Variants in ACACA observed in about 807,000 individuals in gnomAD.
ACACA encodes the protein acetyl-CoA carboxylase alpha, also known as acetyl-CoA carboxylase 1.
A neutral mutation model predicts 296.1 loss-of-function variants in ACACA; 103 were observed. The ratio of observed to expected loss-of-function variants is 0.35; its 90% CI spans 0.30 to 0.41. The LOEUF is 0.41. Ranked by LOEUF, ACACA falls within the 10% of genes least tolerant of loss-of-function variation. The pLI is 1.00. For missense variants in ACACA, 1,554 were observed against 2,989.7 expected, an observed-to-expected ratio of 0.52 and a Z score of 11.20; for synonymous variants, 953 against 1,038.6, an observed-to-expected ratio of 0.92 and a Z score of 1.58.
rs574442648 is a variant in ACACA, at chr17:37,264,016, A to C, written c.1120-122T>G. The C allele has an allele frequency of 2.1e-5, 16 of 762,124 alleles. 1 individual carries two copies. In the South Asian group the frequency reaches 2.5e-4, roughly 12 times the overall value. The allele number at this position is 762,124 out of a possible 1,614,324, so 47.2% of individuals were successfully genotyped here. On this transcript the variant is annotated intron_variant, in intron 10 of 55. Transcript: ENST00000616317. ...AGAAGTGTCAGGAACCATGTTAATC[A>C]GCAGAAATACAAAACTGAATAAAAT...
chr17:37,335,718 G>A lies in ACACA; in HGVS notation c.85+4086C>T, dbSNP rs890528984. Among the ~76,000 whole-genome samples, 3 of 152,160 alleles carry A rather than the reference G, an allele frequency of 2.0e-5. No individual in the cohort carries two copies. The South Asian group carries it at 6.2e-4, about 32-fold the overall frequency. ...CCTCTACTCAGTTCTACTACAAACT[G>A]TCTCAAGAACTAAATGGTGACATGG... On this transcript the variant is annotated intron_variant, in intron 2 of 55. Coordinates refer to ENST00000616317, the MANE Select transcript of ACACA (RefSeq NM_198834.3).
chr17:37,388,926 C>A, intron 1 of ACACA: 1 of 1,200,960 alleles, frequency 8.3e-7, no homozygotes, highest in Non-Finnish European at 1.2e-6. Flanking sequence ...CACTCACTAG[C>A]TGAGTGGTGT....
chr17:37,317,042 C>T (rs2047126242), intron 3 of ACACA, among the ~76,000 whole-genome samples: 1 of 150,130 alleles, frequency 6.7e-6, no homozygotes, highest in Admixed American at 6.7e-5. Context: ...CCACTGTACT[C>T]CAGCCTGGGT....
intron 2 of ACACA, among the ~76,000 whole-genome samples, chr17:37,335,375 C>T (rs2147271109): frequency 6.6e-6 from 1 of 152,290 alleles, no homozygotes; most frequent in Middle Eastern, 3.4e-3. Context: ...TCAAACCTCA[C>T]CTGTGTAAAA....
chr17:37,307,562 T>G (rs1470996733), intron 3 of ACACA, among the ~76,000 whole-genome samples: 1 of 152,056 alleles, frequency 6.6e-6, no homozygotes, highest in Non-Finnish European at 1.5e-5. Context: ...ATATTTCTAT[T>G]GTGTTGAATG....
intron 1 of ACACA, chr17:37,345,470 C>T (rs542514781): frequency 2.6e-5 from 4 of 152,286 alleles, no homozygotes; most frequent in East Asian, 1.9e-4. Flanking sequence ...AAGCTAACCA[C>T]CTCTAATCAG....
At chr17:37,213,143 A>C (rs2078827711) in intron 29 of ACACA, among the ~76,000 whole-genome samples, 1 of 151,522 alleles carries the variant, frequency 6.6e-6, no homozygotes, top group Admixed American at 6.6e-5. Context: ...CATCTCCAAA[A>C]TCCATCTTTA....
At chr17:37,158,190 A>G (rs1360514169) in intron 42 of ACACA, among the ~76,000 whole-genome samples, 1 of 152,202 alleles carries the variant, frequency 6.6e-6, no homozygotes, top group Non-Finnish European at 1.5e-5. Flanking sequence ...AGAACACATT[A>G]AAGGAAGATT....
chr17:37,155,550 T>G, intron 43 of ACACA, 133 bp downstream of exon 43: 1 of 710,608 alleles, frequency 1.4e-6, no homozygotes, highest in Non-Finnish European at 2.5e-6. Context: ...GAGCTGGATG[T>G]AAACCTAAAA....
chr17:37,190,712 C>T (rs1490019705), intron 38 of ACACA, among the ~76,000 whole-genome samples: 1 of 152,112 alleles, frequency 6.6e-6, no homozygotes, highest in Non-Finnish European at 1.5e-5. Context: ...AGGTGATTAA[C>T]ATTTAGTGCA....
chr17:37,111,557 A>G lies in ACACA; in HGVS notation c.6539T>C (p.Val2180Ala). The change falls in exon 52 of 56, where the codon GTC becomes GCC. Residue 2180 changes from valine (V) to alanine (A), a missense_variant. Val to Ala is a moderately conservative substitution (Grantham distance 64). Coordinates refer to ENST00000616317, the MANE Select transcript of ACACA (RefSeq NM_198834.3). ...LVKTMRRVDP[V>A]YIHLAERLGT... is the part of the protein sequence containing the mutation. The stretch of plus-strand genomic sequence containing the variant: ...CAATCGCTCAGCCAAGTGGATGTAG[A>G]CTGGGTCCACCCGACGCATGGTTTT... 6.2e-7 allele frequency: 1 copy of G among 1,614,130 alleles called. No individual in the cohort carries two copies. Among genetic ancestry groups the G allele is most frequent in the Non-Finnish European group, 8.5e-7 (1 of 1,179,972 alleles).
intron 45 of ACACA, chr17:37,141,452 G>T (rs2075575493): frequency 7.0e-6 from 2 of 287,284 alleles, no homozygotes; most frequent in Non-Finnish European, 6.8e-6. Context: ...TTGTAGAGGG[G>T]GTCTTGCTTC....
At chr17:37,296,301 CTTTTTTTTTTT>C (rs369893845) in intron 3 of ACACA, among the ~76,000 whole-genome samples, 2 of 100,364 alleles carry the variant, frequency 2.0e-5, no homozygotes, top group South Asian at 3.3e-4. Context: ...TCTTTGGAGC[CTTTTTTTTTTT>C]TTTTTTTTTT....
chr17:37,396,420 T>A (rs1030875328), intron 1 of ACACA, among the ~76,000 whole-genome samples: 1 of 152,094 alleles, frequency 6.6e-6, no homozygotes, highest in African/African-American at 2.4e-5. Context: ...ATTTTTTAGA[T>A]AAACCCATAA....
At chr17:37,285,005 A>G in intron 3 of ACACA, 35 bp from the exon 4 acceptor site, 5 of 1,613,840 alleles carry the variant, frequency 3.1e-6, no homozygotes, top group East Asian at 2.2e-5. Flanking sequence ...AACACCACCT[A>G]TATTTTCTGG....
Position 37,259,462 on chromosome 17 carries a change from C to G in ACACA, c.1398G>C (p.Gln466His). Reference protein sequence around the residue: ...SAGTVEYLYSQDGSFYFLELN... With the variant: ...SAGTVEYLYSHDGSFYFLELN... ...ATTCCAGAAAGTAGAAGCTGCCATCCTGGCTGTACAGGTATTCCACAGTCC... is the reference window on the plus strand; with the variant it reads ...ATTCCAGAAAGTAGAAGCTGCCATCGTGGCTGTACAGGTATTCCACAGTCC... The change falls in exon 12 of 56, where the codon CAG becomes CAC. Residue 466 changes from glutamine (Q) to histidine (H), a missense_variant. By Grantham distance (24) the Gln-to-His change is conservative (BLOSUM62 0). This residue lies in a region of ACACA where 82 missense variants were observed against 185.2 expected (regional missense o/e 0.44). Coordinates refer to ENST00000616317, the MANE Select transcript of ACACA (RefSeq NM_198834.3). The G allele has an allele frequency of 6.2e-7, 1 of 1,614,202 alleles. No individual in the cohort carries two copies. The highest frequency in any genetic ancestry group is 8.5e-7 in the Non-Finnish European group (1 of 1,180,020).
chr17:37,233,004 T>C (rs1392103690), intron 25 of ACACA, among the ~76,000 whole-genome samples: 1 of 152,072 alleles, frequency 6.6e-6, no homozygotes, highest in Non-Finnish European at 1.5e-5. Context: ...GTACTATCCA[T>C]GCAGGTAAGA....
chr17:37,231,811 T>C (rs984846471), intron 25 of ACACA, among the ~76,000 whole-genome samples: 2 of 152,238 alleles, frequency 1.3e-5, no homozygotes, highest in African/African-American at 4.8e-5. Flanking sequence ...ACCAATTAGC[T>C]TAATCTGGCT....
intron 3 of ACACA, among the ~76,000 whole-genome samples, chr17:37,294,540 G>C (rs565052400): frequency 3.7e-4 from 56 of 152,264 alleles, no homozygotes; most frequent in African/African-American, 1.3e-3. Context: ...TACAAGCTTG[G>C]GGGGTTTTCC....
Sources: gnomAD v4.1 joint callset for allele counts (sites outside exome capture counted in the v4.1 genomes callset) on GRCh38, gnomAD v4.1.1 for gene constraint, gnomAD v4.1.1 regional missense constraint, MANE v1.5 for transcripts, NCBI Gene and HGNC (gene_info 2026-07-23, HGNC 2026-07-21) for gene names.